The following EPB41L1 variants were observed in gnomAD, a reference collection of about 807,000 sequenced individuals.
EPB41L1 encodes the protein erythrocyte membrane protein band 4.1 like 1.
In EPB41L1, 29 loss-of-function variants were observed where a neutral mutation model predicts 97.8. The ratio of observed to expected loss-of-function variants is 0.30; its 90% CI spans 0.22 to 0.40. The LOEUF is 0.40. Among genes scored for constraint, EPB41L1 ranks in the 10% least tolerant of loss-of-function variants. EPB41L1 has a pLI of 1.00. For synonymous variants in EPB41L1, 383 were observed against 459.2 expected, an observed-to-expected ratio of 0.83 and a Z score of 2.12; for missense variants, 812 against 1,162.3, an observed-to-expected ratio of 0.70 and a Z score of 4.38.
At chr20:36,176,927 C>T (rs1448217923) in intron 3 of EPB41L1, among the ~76,000 whole-genome samples, 1 of 152,114 alleles carries the variant, frequency 6.6e-6, no homozygotes, top group Non-Finnish European at 1.5e-5. Flanking sequence ...CCACTGCACC[C>T]GACTGTGTAT....
intron 1 of EPB41L1, among the ~76,000 whole-genome samples, chr20:36,163,388 T>G (rs969175470): frequency 6.6e-6 from 1 of 152,170 alleles, no homozygotes; most frequent in Non-Finnish European, 1.5e-5. Context: ...CTGTGAGGTA[T>G]GTAAGTTTAT....
intron 1 of EPB41L1, chr20:36,112,343 CA>C (rs1469027697): frequency 6.6e-6 from 1 of 152,248 alleles, no homozygotes; most frequent in Non-Finnish European, 1.5e-5. Flanking sequence ...CTCAGAGAGT[CA>C]AATGCCAGCC....
chr20:36,208,211 A>G, intron 14 of EPB41L1: 1 of 341,736 alleles, frequency 2.9e-6, no homozygotes, highest in Non-Finnish European at 5.8e-6. Context: ...GACAGTCCAG[A>G]GGTTTCCATC....
In EPB41L1 at chr20:36,154,848, G is replaced by A. The variant is rs1167929256; in HGVS notation, c.-63G>A. 1 of 1,000,766 alleles carries A rather than the reference G, an allele frequency of 1.0e-6. No individual in the cohort carries two copies. Among genetic ancestry groups the A allele is most frequent in the African/African-American group, 1.7e-5 (1 of 57,282 alleles). The allele number at this position is 1,000,766 out of a possible 1,614,324, so 62.0% of individuals were successfully genotyped here. ...CGGCCTGCCTGCCAGAGGAGCCGAG[G>A]GGGCCGCCCCTCGCCCAACCTGCCC... On this transcript the variant is annotated 5_prime_UTR_variant, in exon 1 of 22. Transcript: ENST00000338074. This position sits in a 1 kb window ranked among gnomAD's most constrained non-coding sequence, Gnocchi z 5.5.
rs2061919974 is a variant in EPB41L1, at chr20:36,190,919, C to A, written c.1300+122C>A. On this transcript the variant is annotated intron_variant, in intron 11 of 21. Transcript: ENST00000338074. The surrounding 1 kb of genome is among the most constrained non-coding windows in gnomAD (Gnocchi z 5.8). ...AGATGCATCCCAAGTTCATCTGCAC[C>A]AGGCTGGCCCCTCAAGACCAGTGCT... The A allele has an allele frequency of 7.3e-7, 1 of 1,370,400 alleles. No homozygotes were observed. Among genetic ancestry groups the A allele is most frequent in the Admixed American group, 2.0e-5 (1 of 50,856 alleles). 84.9% of individuals were successfully genotyped at this position (1,370,400 alleles called of 1,614,324 possible).
At chr20:36,223,550 T>C (rs889531456) in intron 21 of EPB41L1, among the ~76,000 whole-genome samples, 1 of 152,174 alleles carries the variant, frequency 6.6e-6, no homozygotes, top group Non-Finnish European at 1.5e-5. Flanking sequence ...CAAAATCCCA[T>C]AGACATTGAG....
intron 14 of EPB41L1, among the ~76,000 whole-genome samples, chr20:36,200,348 T>G (rs1011240864): frequency 1.3e-5 from 2 of 152,174 alleles, no homozygotes; most frequent in Admixed American, 1.3e-4. Flanking sequence ...CAAAATCAGT[T>G]TTGTGGGGGG....
rs746605216 is a variant in EPB41L1, at chr20:36,182,264, C to T, written c.491-8C>T. 1 of 1,613,822 alleles carries T rather than the reference C, an allele frequency of 6.2e-7. No homozygotes were observed. Among genetic ancestry groups the T allele is most frequent in the African/African-American group, 1.3e-5 (1 of 75,048 alleles). Reference sequence around the variant, plus strand: ...GGCCTCGCTGATCTCTCTCCCATCTCCTCTCAGGTAGCCCCTGGAATTTTG... The same window carrying T: ...GGCCTCGCTGATCTCTCTCCCATCTTCTCTCAGGTAGCCCCTGGAATTTTG... On this transcript the variant is annotated splice_region_variant and splice_polypyrimidine_tract_variant and intron_variant, in intron 5 of 21. Coordinates refer to ENST00000338074, the MANE Select transcript of EPB41L1 (RefSeq NM_012156.2).
chr20:36,156,885 G>C (rs557970609), intron 1 of EPB41L1, among the ~76,000 whole-genome samples: 1 of 152,146 alleles, frequency 6.6e-6, no homozygotes, highest in African/African-American at 2.4e-5. Flanking sequence ...AGCACCTGCC[G>C]GGACTTCCCT....
chr20:36,102,168 A>G (rs1023381819), intron 1 of EPB41L1, among the ~76,000 whole-genome samples: 1 of 152,074 alleles, frequency 6.6e-6, no homozygotes, highest in African/African-American at 2.4e-5. Context: ...CTGCTGTAAC[A>G]GTCTCCCCAT....
intron 15 of EPB41L1, among the ~76,000 whole-genome samples, chr20:36,210,871 A>G (rs950799796): frequency 6.6e-6 from 1 of 152,172 alleles, no homozygotes; most frequent in Non-Finnish European, 1.5e-5. Flanking sequence ...GATTAACTGG[A>G]TGAATGGCTG....
intron 9 of EPB41L1, among the ~76,000 whole-genome samples, chr20:36,188,921 T>C (rs981567903): frequency 6.6e-6 from 1 of 150,958 alleles, no homozygotes; most frequent in African/African-American, 2.4e-5. Context: ...GAAATATAAC[T>C]ACATACATTC....
At chr20:36,099,106 T>C (rs2057927293) in intron 1 of EPB41L1, among the ~76,000 whole-genome samples, 1 of 152,098 alleles carries the variant, frequency 6.6e-6, no homozygotes, top group South Asian at 2.1e-4. Flanking sequence ...GAGGCGGACA[T>C]TGCAGTGAGC....
intron 2 of EPB41L1, chr20:36,125,621 A>G (rs909663551): frequency 1.3e-6 from 2 of 1,504,242 alleles, no homozygotes. Context: ...GAGTGGCAGG[A>G]GTTTCCTGTG....
At chr20:36,158,189 T>C (rs1053729457) in intron 1 of EPB41L1, among the ~76,000 whole-genome samples, 11 of 152,290 alleles carry the variant, frequency 7.2e-5, no homozygotes, top group South Asian at 6.2e-4. Flanking sequence ...GCCATGTTCC[T>C]GAAGGCCATG....
chr20:36,221,550 G>C (rs1490454598), intron 19 of EPB41L1, among the ~76,000 whole-genome samples: 1 of 152,174 alleles, frequency 6.6e-6, no homozygotes, highest in South Asian at 2.1e-4. Context: ...CTGTGAGAGA[G>C]ACAGATTCAG....
Position 36,191,458 on chromosome 20 carries a change from G to A in EPB41L1, c.1300+661G>A, listed in dbSNP as rs1317220402. 3.3e-5 allele frequency among the ~76,000 whole-genome samples: 5 copies of A among 152,148 alleles called. No homozygotes were observed. The South Asian group carries it at 8.3e-4, about 25-fold the overall frequency. ...GTAGCAAGCAGATAGGGCTTAAAAT[G>A]TGGTGCACAAACCACGTTTCATCAG... is the stretch of plus-strand genomic sequence containing the variant. On this transcript the variant is annotated intron_variant, in intron 11 of 21. Transcript: ENST00000338074.
Position 36,206,254 on chromosome 20 carries a change from G to C in EPB41L1, c.1669-3234G>C. ...CATCAGGAACCGCTGCATGTCAGAT[G>C]GTCAGCCGGAGGGCCAGACAGAGCT... On this transcript the variant is annotated intron_variant, in intron 14 of 21. Transcript: ENST00000338074. The surrounding 1 kb of genome is among the most constrained non-coding windows in gnomAD (Gnocchi z 5.5). The C allele has an allele frequency of 7.8e-7, 1 of 1,289,924 alleles. No homozygotes were observed. Among genetic ancestry groups the C allele is most frequent in the Non-Finnish European group, 1.0e-6 (1 of 988,902 alleles). The allele number at this position is 1,289,924 out of a possible 1,614,324, so 79.9% of individuals were successfully genotyped here.
At chr20:36,176,831 C>T (rs749573092) in intron 3 of EPB41L1, among the ~76,000 whole-genome samples, 2 of 151,874 alleles carry the variant, frequency 1.3e-5, no homozygotes, top group Non-Finnish European at 2.9e-5. Context: ...AGGGTTTCAC[C>T]ATGTTGCCCA....
Sources: allele counts gnomAD v4.1 joint callset (sites outside exome capture counted in the v4.1 genomes callset), GRCh38; gene constraint gnomAD v4.1.1; non-coding constraint Gnocchi (gnomAD v3.1); transcripts MANE v1.5; gene names NCBI Gene and HGNC (gene_info 2026-07-23, HGNC 2026-07-21).